GNE: variants seen among roughly 807,000 people sequenced by gnomAD.
The protein encoded by GNE is glucosamine (UDP-N-acetyl)-2-epimerase/N-acetylmannosamine kinase.
In GNE, 41 loss-of-function variants were observed where a neutral mutation model predicts 61.8. The ratio of observed to expected loss-of-function variants is 0.66; its 90% CI spans 0.52 to 0.86. The LOEUF (loss-of-function observed/expected upper bound fraction) is 0.86. Ranked by LOEUF, GNE falls within the 40% of genes least tolerant of loss-of-function variation. The pLI, the probability that GNE is intolerant of heterozygous loss-of-function variation, is 0.00. For synonymous variants in GNE, 264 were observed against 326.4 expected, an observed-to-expected ratio of 0.81 and a Z score of 2.06; for missense variants, 608 against 909.1, an observed-to-expected ratio of 0.67 and a Z score of 4.26.
Position 36,218,270 on chromosome 9 carries a change from C to T in GNE, c.1846G>A (p.Val616Met), listed in dbSNP as rs754255730. The change falls in exon 11 of 12, where the codon GTG becomes ATG. Residue 616 changes from valine to methionine, a missense_variant. Coordinates refer to ENST00000642385, the MANE Select transcript of GNE (RefSeq NM_005476.7). This position sits in a 1 kb window ranked among gnomAD's most constrained non-coding sequence, Gnocchi z 4.1. ...GCACCCACAGCCTCATCTTTTGGCA[C>T]TGACATCCCTTCCACCAAGAGCAGG... The part of the protein sequence containing the change: ...EDLLLVEGMS[V>M]PKDEAVGALH... 2 of 1,614,022 alleles carry T rather than the reference C, an allele frequency of 1.2e-6. No homozygotes were observed. Among genetic ancestry groups the T allele is most frequent in the South Asian group, 2.2e-5 (2 of 91,076 alleles).
At chr9:36,270,038 T>C (rs1409855329) in intron 1 of GNE, among the ~76,000 whole-genome samples, 1 of 152,188 alleles carries the variant, frequency 6.6e-6, no homozygotes, top group Non-Finnish European at 1.5e-5. Flanking sequence ...TGTGGCTCAC[T>C]GCAGCCTCAA....
chr9:36,241,849 A>AT (rs1435750577), intron 3 of GNE, among the ~76,000 whole-genome samples: 1 of 152,122 alleles, frequency 6.6e-6, no homozygotes. Flanking sequence ...GAAGTTCCAT[A>AT]TTAAGGCCAG....
At chr9:36,265,404 G>A in intron 1 of GNE, 1 of 456,614 alleles carries the variant, frequency 2.2e-6, no homozygotes, top group Non-Finnish European at 4.4e-6. Context: ...TGTGATGTCT[G>A]CCATGTTGTT....
Position 36,222,884 on chromosome 9 carries a change from T to C in GNE, c.1526A>G (p.His509Arg), listed in dbSNP as rs751302642. The stretch of plus-strand genomic sequence containing the variant: ...ATCATTGTCTACCCACACAGGGAGA[T>C]GCAAAGTGTCAGAAAGGGGGGTCCT... ...DLRTPLSDTL[H>R]LPVWVDNDGN... Residue 509 changes from histidine to arginine, a missense_variant, in exon 9 of 12, where the codon CAT becomes CGT. Physicochemically the swap from His to Arg is conservative, Grantham distance 29. Transcript: ENST00000642385. 3 of 1,614,144 alleles carry C rather than the reference T, an allele frequency of 1.9e-6. No individual in the cohort carries two copies. The highest frequency in any genetic ancestry group is 2.5e-6 in the Non-Finnish European group (3 of 1,180,006).
intron 1 of GNE, among the ~76,000 whole-genome samples, chr9:36,254,008 G>A (rs1296148382): frequency 6.6e-6 from 1 of 151,916 alleles, no homozygotes; most frequent in African/African-American, 2.4e-5. Flanking sequence ...TTGCATTCCA[G>A]CCTGGGAGAC....
chr9:36,263,803 G>A (rs7046089), intron 1 of GNE, among the ~76,000 whole-genome samples: 16,320 of 152,190 alleles, frequency 0.11, 1,225 homozygotes, highest in African/African-American at 0.19. Context: ...TGTGCCCATA[G>A]GCTGCCTCCT....
chr9:36,274,951 C>A (rs1831207018), intron 1 of GNE, among the ~76,000 whole-genome samples: 1 of 152,160 alleles, frequency 6.6e-6, no homozygotes, highest in Non-Finnish European at 1.5e-5. Context: ...GTCTTGATCT[C>A]CTGACCTCGT....
At chr9:36,270,371 G>GT (rs1471885307) in intron 1 of GNE, among the ~76,000 whole-genome samples, 4 of 151,912 alleles carry the variant, frequency 2.6e-5, no homozygotes, top group African/African-American at 2.4e-5. Context: ...TTAATGTAGA[G>GT]TTTTTTATTA....
At chr9:36,232,328 G>GCCAC (rs1563937059) in intron 5 of GNE, among the ~76,000 whole-genome samples, 3 of 118,380 alleles carry the variant, frequency 2.5e-5, no homozygotes, top group African/African-American at 9.5e-5. Flanking sequence ...TTTTATTCTT[G>GCCAC]CCCCCCCGCC....
chr9:36,276,749 G>A, intron 1 of GNE: 1 of 640,546 alleles, frequency 1.6e-6, no homozygotes, highest in Non-Finnish European at 2.7e-6. Context: ...AACTGAGTTA[G>A]CAGTAAAAAA....
chr9:36,274,884 G>A (rs1831203874), intron 1 of GNE, among the ~76,000 whole-genome samples: 3 of 151,984 alleles, frequency 2.0e-5, no homozygotes, highest in South Asian at 4.1e-4. Flanking sequence ...CATCATGCCC[G>A]GCTAATTTTT....
intron 1 of GNE, among the ~76,000 whole-genome samples, chr9:36,266,576 C>T (rs1830799493): frequency 6.6e-6 from 1 of 151,602 alleles, no homozygotes; most frequent in Non-Finnish European, 1.5e-5. Flanking sequence ...GACTTTGAGA[C>T]CAGCCTGGTC....
Position 36,246,319 on chromosome 9 carries a change from GA to G in GNE, c.327del (p.His110MetfsTer16). The stretch of plus-strand genomic sequence containing the variant: ...GCCAGGGCATCAAACCTGTCTCCAT[GA>G]ACAATCATGATATCAGGCTTCAGGC... ...LNRLKPDIMI[V>X]HGDRFDALAL... On this transcript the variant is annotated frameshift_variant, in exon 3 of 12. Coordinates refer to ENST00000642385, the MANE Select transcript of GNE (RefSeq NM_005476.7). LOFTEE classifies it high-confidence loss of function. The G allele has an allele frequency of 6.2e-7, 1 of 1,614,198 alleles. No individual in the cohort carries two copies. Among genetic ancestry groups the G allele is most frequent in the Non-Finnish European group, 8.5e-7 (1 of 1,180,046 alleles).
At chr9:36,248,649 T>G (rs1454018801) in intron 2 of GNE, among the ~76,000 whole-genome samples, 1 of 152,124 alleles carries the variant, frequency 6.6e-6, no homozygotes, top group Admixed American at 6.6e-5. Context: ...AAATGTAGCC[T>G]GTGATTAATA....
chr9:36,229,006 A>G lies in GNE; in HGVS notation c.1070+15T>C, dbSNP rs1262851849. 1 of 1,436,846 alleles carries G rather than the reference A, an allele frequency of 7.0e-7. No homozygotes were observed. Among genetic ancestry groups the G allele is most frequent in the Admixed American group, 1.7e-5 (1 of 59,798 alleles). The allele number at this position is 1,436,846 out of a possible 1,614,324, so 89.0% of individuals were successfully genotyped here. A position where few individuals can be genotyped will look rare whatever the true frequency, so the allele number is the denominator to read the frequency against. On this transcript the variant is annotated intron_variant, in intron 6 of 11. Coordinates refer to ENST00000642385, the MANE Select transcript of GNE (RefSeq NM_005476.7). ...CCCCTTTTAAATCACTCAACAAAGA[A>G]TGTTTTATACTCACCAAGGGTACTG...
At chr9:36,274,463 G>GT (rs1185683494) in intron 1 of GNE, among the ~76,000 whole-genome samples, 5 of 152,006 alleles carry the variant, frequency 3.3e-5, no homozygotes, top group Non-Finnish European at 5.9e-5. Context: ...AACTGCCCAT[G>GT]TACCTAGTCT....
intron 1 of GNE, among the ~76,000 whole-genome samples, chr9:36,274,948 TCTC>T (rs1332515298): frequency 6.6e-6 from 1 of 152,146 alleles, no homozygotes; most frequent in Non-Finnish European, 1.5e-5. Flanking sequence ...ATGGTCTTGA[TCTC>T]CTGACCTCGT....
intron 1 of GNE, among the ~76,000 whole-genome samples, chr9:36,273,153 G>T (rs1187222497): frequency 6.6e-6 from 1 of 151,988 alleles, no homozygotes; most frequent in Non-Finnish European, 1.5e-5. Flanking sequence ...ATTTCCATGA[G>T]ATTGAGGATC....
At chr9:36,240,071 C>T (rs1309660632) in intron 3 of GNE, among the ~76,000 whole-genome samples, 1 of 151,936 alleles carries the variant, frequency 6.6e-6, no homozygotes, top group Admixed American at 6.6e-5. Flanking sequence ...CTGGAGGTGT[C>T]CTTAGGATTT....
Sources: allele counts gnomAD v4.1 joint callset (sites outside exome capture counted in the v4.1 genomes callset), GRCh38; gene constraint gnomAD v4.1.1; non-coding constraint Gnocchi (gnomAD v3.1); transcripts MANE v1.5; gene names NCBI Gene and HGNC (gene_info 2026-07-23, HGNC 2026-07-21).